Variants in CTNND2 observed in about 807,000 individuals in gnomAD.
The protein encoded by CTNND2 is catenin delta-2.
CTNND2 carries 22 observed loss-of-function variants against 144.4 expected under a neutral mutation model. The observed-to-expected ratio is 0.15, with a 90% CI of 0.11 to 0.22. CTNND2 has a LOEUF of 0.22. Ranked by LOEUF, CTNND2 falls within the 10% of genes least tolerant of loss-of-function variation. The pLI, the probability that CTNND2 is intolerant of heterozygous loss-of-function variation, is 1.00. For missense variants in CTNND2, 1,353 were observed against 1,618.8 expected (o/e 0.84, Z 2.82); for synonymous variants, 751 against 695.6 (o/e 1.08, Z -1.25).
intron 6 of CTNND2, among the ~76,000 whole-genome samples, chr5:11,385,462 C>G (rs979486827): frequency 1.2e-4 from 19 of 152,142 alleles, no homozygotes; most frequent in African/African-American, 4.6e-4. Flanking sequence ...AGGGAAGTCA[C>G]GTTTGACAAA....
intron 1 of CTNND2, among the ~76,000 whole-genome samples, chr5:11,749,284 G>T (rs1788479938): frequency 6.6e-6 from 1 of 152,002 alleles, no homozygotes; most frequent in African/African-American, 2.4e-5. Context: ...TTGTGTTAAG[G>T]TCCTAAATTC....
At chr5:11,085,927 G>A (rs60445312) in intron 15 of CTNND2, among the ~76,000 whole-genome samples, 15,714 of 152,074 alleles carry the variant, frequency 0.1, 1,444 homozygotes, top group African/African-American at 0.24. Flanking sequence ...GCAAGACTCA[G>A]TGAAGTCTCC....
chr5:11,316,175 C>A (rs1751452973), intron 9 of CTNND2, among the ~76,000 whole-genome samples: 1 of 152,118 alleles, frequency 6.6e-6, no homozygotes, highest in South Asian at 2.1e-4. Flanking sequence ...CTAACACACA[C>A]CATTTATTGA....
chr5:11,843,511 G>A lies in CTNND2; in HGVS notation c.37+60306C>T, dbSNP rs138607689. 9.6e-3 allele frequency among the ~76,000 whole-genome samples: 1,467 copies of A among 152,118 alleles called. 12 individuals are homozygous for A. The highest frequency in any genetic ancestry group is 0.027 in the Middle Eastern group (8 of 294). On this transcript the variant is annotated intron_variant, in intron 1 of 21. Coordinates refer to ENST00000304623, the MANE Select transcript of CTNND2 (RefSeq NM_001332.4). The stretch of plus-strand genomic sequence containing the variant: ...AGCCTGTATCATCAGTATCACAGGA[G>A]GAAAAAATAAATAATTTGTAAAACC...
At chr5:11,760,023 C>T (rs556196143) in intron 1 of CTNND2, among the ~76,000 whole-genome samples, 1 of 136,240 alleles carries the variant, frequency 7.3e-6, no homozygotes, top group South Asian at 2.4e-4. Context: ...TTGCCAGGTC[C>T]AGTACTTGGC....
At chr5:11,268,701 A>AAGAC (rs1745704015) in intron 9 of CTNND2, among the ~76,000 whole-genome samples, 1 of 152,220 alleles carries the variant, frequency 6.6e-6, no homozygotes, top group African/African-American at 2.4e-5. Context: ...TGATGTAATG[A>AAGAC]AGACTCATTT....
rs578053875 is a variant in CTNND2, at chr5:11,175,468, G to A, written c.1976-15709C>T. ...ACAGAAATAGAATCCCAGCACGCAC[G>A]CTGTTCGTTAACTTGACTTTTGCAT... is the stretch of plus-strand genomic sequence containing the variant. On this transcript the variant is annotated intron_variant, in intron 11 of 21. Coordinates refer to ENST00000304623, the MANE Select transcript of CTNND2 (RefSeq NM_001332.4). Among the ~76,000 whole-genome samples the A allele has an allele frequency of 5.3e-5, 8 of 152,162 alleles. No individual in the cohort carries two copies. In the South Asian group the frequency reaches 1.5e-3, roughly 28 times the overall value.
At chr5:11,709,387 C>T (rs1322805951) in intron 2 of CTNND2, among the ~76,000 whole-genome samples, 1 of 152,178 alleles carries the variant, frequency 6.6e-6, no homozygotes, top group African/African-American at 2.4e-5. Context: ...TATTCAATGA[C>T]CACTGACTCT....
At chr5:11,638,339 G>A (rs1781819338) in intron 2 of CTNND2, among the ~76,000 whole-genome samples, 1 of 151,986 alleles carries the variant, frequency 6.6e-6, no homozygotes, top group African/African-American at 2.4e-5. Context: ...TTTACTTATG[G>A]TATAATTCTA....
At chr5:11,204,532 G>A (rs1302454592) in intron 10 of CTNND2, among the ~76,000 whole-genome samples, 1 of 152,104 alleles carries the variant, frequency 6.6e-6, no homozygotes, top group Non-Finnish European at 1.5e-5. Context: ...CAAGAGATAT[G>A]CAAGTAATGC....
At position 11,662,130 on chromosome 5, in the gene CTNND2, C is replaced by CACATATATATGTGT. The variant is rs1783250474; in HGVS notation, c.174+70005_174+70006insACACATATATATGT. Reference sequence around the variant, plus strand: ...TTATGTGTGTGTGTATATATATATACATATATGTATATATACACATATATA... The same window carrying CACATATATATGTGT: ...TTATGTGTGTGTGTATATATATATACACATATATATGTGTATATATGTATATATACACATATATA... On this transcript the variant is annotated intron_variant, in intron 2 of 21. Coordinates refer to ENST00000304623, the MANE Select transcript of CTNND2 (RefSeq NM_001332.4). Among the ~76,000 whole-genome samples the CACATATATATGTGT allele has an allele frequency of 8.7e-5, 11 of 126,052 alleles. No individual in the cohort carries two copies. In the South Asian group the frequency reaches 2.3e-3, roughly 27 times the overall value. 82.7% of individuals were successfully genotyped at this position (126,052 alleles called of 152,430 possible).
chr5:11,734,464 T>C (rs1164134992), intron 1 of CTNND2, among the ~76,000 whole-genome samples: 2 of 152,106 alleles, frequency 1.3e-5, no homozygotes, highest in Non-Finnish European at 2.9e-5. Flanking sequence ...CAAATGAACT[T>C]AAAAAGGGAC....
At chr5:11,150,559 A>G (rs1377990266) in intron 12 of CTNND2, among the ~76,000 whole-genome samples, 1 of 150,720 alleles carries the variant, frequency 6.6e-6, no homozygotes, top group Non-Finnish European at 1.5e-5. Flanking sequence ...GATAGCATCC[A>G]GCTCTGCATG....
intron 2 of CTNND2, among the ~76,000 whole-genome samples, chr5:11,628,961 G>C (rs867733664): frequency 5.9e-5 from 9 of 152,138 alleles, no homozygotes; most frequent in Admixed American, 3.3e-4. Flanking sequence ...AAAATAAATA[G>C]ACTAATTTGT....
Position 11,082,799 on chromosome 5 carries a change from G to A in CTNND2, c.2685C>T (p.Pro895=), listed in dbSNP as rs143041525. ...RAAVRKEKGL[P]ILVELLRIDN... is the part of the protein sequence containing the mutation. ...CTATTCGGAGCAGCTCCACGAGGAT[G>A]GGCAGGCCTTTCTCTTTTCGGACAG... is the stretch of plus-strand genomic sequence containing the variant. Residue 895 remains proline (P), a synonymous_variant, in exon 16 of 22, where the codon CCC becomes CCT. Transcript: ENST00000304623. The A allele has an allele frequency of 6.8e-6, 11 of 1,614,082 alleles. No homozygotes were observed. The African/African-American group carries it at 1.2e-4, about 18-fold the overall frequency.
intron 12 of CTNND2, among the ~76,000 whole-genome samples, chr5:11,118,272 C>T (rs1204440287): frequency 6.6e-6 from 1 of 152,192 alleles, no homozygotes; most frequent in Non-Finnish European, 1.5e-5. Flanking sequence ...AGTTACTCTA[C>T]CACCTGAGCA....
At chr5:11,182,249 G>C (rs561201003) in intron 11 of CTNND2, among the ~76,000 whole-genome samples, 7 of 151,690 alleles carry the variant, frequency 4.6e-5, no homozygotes, top group Non-Finnish European at 7.4e-5. Flanking sequence ...TGGTGTGTAC[G>C]TGTGTAGTGT....
intron 2 of CTNND2, among the ~76,000 whole-genome samples, chr5:11,577,688 T>A (rs752126159): frequency 2.0e-5 from 3 of 152,202 alleles, no homozygotes; most frequent in South Asian, 2.1e-4. Flanking sequence ...GCAAATTACA[T>A]TGGAAGTTTG....
At chr5:11,749,982 G>C (rs1561761021) in intron 1 of CTNND2, among the ~76,000 whole-genome samples, 1 of 151,962 alleles carries the variant, frequency 6.6e-6, no homozygotes, top group Non-Finnish European at 1.5e-5. Flanking sequence ...TTTTCTGGCA[G>C]GGTTTTTGCA....
Sources: gnomAD v4.1 joint callset for allele counts (sites outside exome capture counted in the v4.1 genomes callset) on GRCh38, gnomAD v4.1.1 for gene constraint, MANE v1.5 for transcripts, NCBI Gene and HGNC (gene_info 2026-07-23, HGNC 2026-07-21) for gene names.